ARHGAP28: variants seen among roughly 807,000 people sequenced by gnomAD.
The protein encoded by ARHGAP28 is rho GTPase-activating protein 28.
In ARHGAP28, 56 loss-of-function variants were observed where a neutral mutation model predicts 90.7. That is an observed-to-expected ratio of 0.62 (90% CI 0.50 to 0.77). ARHGAP28 has a LOEUF of 0.77. Ranked by LOEUF, ARHGAP28 falls within the 30% of genes least tolerant of loss-of-function variation. The pLI is 0.00. For missense variants in ARHGAP28, 869 were observed against 900.9 expected, an observed-to-expected ratio of 0.96 and a Z score of 0.45; for synonymous variants, 308 against 323.3, an observed-to-expected ratio of 0.95 and a Z score of 0.51.
chr18:6,756,799 A>G (rs372830779), intron 1 of ARHGAP28, among the ~76,000 whole-genome samples: 1 of 152,308 alleles, frequency 6.6e-6, no homozygotes. Flanking sequence ...TCCAAAAGCC[A>G]AAGAACTTGG....
chr18:6,911,116 G>C (rs2057396439), intron 17 of ARHGAP28, among the ~76,000 whole-genome samples: 1 of 152,088 alleles, frequency 6.6e-6, no homozygotes, highest in African/African-American at 2.4e-5. Context: ...TTACAGGCGT[G>C]AGCCACCGCG....
intron 2 of ARHGAP28, among the ~76,000 whole-genome samples, chr18:6,835,819 C>T (rs2056748953): frequency 6.6e-6 from 1 of 152,180 alleles, no homozygotes; most frequent in Admixed American, 6.5e-5. Context: ...TGAATACCGA[C>T]TTTCTTCCAG....
At chr18:6,734,448 C>T (rs919046052) in intron 1 of ARHGAP28, among the ~76,000 whole-genome samples, 21 of 151,968 alleles carry the variant, frequency 1.4e-4, no homozygotes, top group African/African-American at 5.1e-4. Flanking sequence ...AACTCTTCCT[C>T]GAAAACAAAT....
intron 9 of ARHGAP28, 130 bp from the exon 10 acceptor site, chr18:6,876,001 A>T: frequency 2.8e-6 from 2 of 718,248 alleles, no homozygotes. Flanking sequence ...AACATTTAAC[A>T]CAGCATTCAA....
At chr18:6,733,428 G>A (rs1415472902) in intron 1 of ARHGAP28, among the ~76,000 whole-genome samples, 3 of 152,000 alleles carry the variant, frequency 2.0e-5, no homozygotes, top group Non-Finnish European at 4.4e-5. Flanking sequence ...TTCTTTAAGA[G>A]TTATTTCTTT....
intron 3 of ARHGAP28, among the ~76,000 whole-genome samples, chr18:6,842,704 A>G (rs535055745): frequency 6.6e-6 from 1 of 152,178 alleles, no homozygotes; most frequent in Admixed American, 6.5e-5. Context: ...TGGGAGTTGT[A>G]TGGTCCTCTT....
At chr18:6,896,901 T>C in intron 16 of ARHGAP28, 1 of 219,880 alleles carries the variant, frequency 4.5e-6, no homozygotes, top group South Asian at 1.3e-4. Context: ...AGTTTTACCT[T>C]TTATTTTATT....
chr18:6,767,436 A>G (rs183946668), intron 1 of ARHGAP28, among the ~76,000 whole-genome samples: 18 of 152,092 alleles, frequency 1.2e-4, no homozygotes, highest in Non-Finnish European at 2.2e-4. Context: ...TAGAGGTCCA[A>G]GTTTCCATCT....
intron 2 of ARHGAP28, among the ~76,000 whole-genome samples, chr18:6,826,272 C>G (rs958312326): frequency 6.6e-6 from 1 of 151,854 alleles, no homozygotes; most frequent in Non-Finnish European, 1.5e-5. Context: ...GTTTGTATGT[C>G]TTCTTTTGAA....
chr18:6,759,509 T>C (rs2056141401), intron 1 of ARHGAP28, among the ~76,000 whole-genome samples: 1 of 152,232 alleles, frequency 6.6e-6, no homozygotes, highest in African/African-American at 2.4e-5. Context: ...AAAATATGGT[T>C]GGTTCGTTTT....
intron 2 of ARHGAP28, among the ~76,000 whole-genome samples, chr18:6,825,267 G>C (rs8090076): frequency 0.93 from 141,610 of 152,162 alleles, 66,241 homozygotes; most frequent in African/African-American, 0.99. Context: ...TACCATCAAG[G>C]AGATTGAGTA....
chr18:6,758,330 T>G (rs1264229853), intron 1 of ARHGAP28, among the ~76,000 whole-genome samples: 1 of 151,886 alleles, frequency 6.6e-6, no homozygotes, highest in Non-Finnish European at 1.5e-5. Context: ...TGGAGTCTGG[T>G]GCTTGCTTGT....
Position 6,743,916 on chromosome 18 carries a change from C to T in ARHGAP28, c.122+13973C>T, listed in dbSNP as rs577186273. Among the ~76,000 whole-genome samples, 464 of 152,256 alleles carry T rather than the reference C, an allele frequency of 3.0e-3. 5 individuals carry two copies. Among genetic ancestry groups the T allele is most frequent in the South Asian group, 0.018 (89 of 4,818 alleles). ...GAAATGTATTCATGATTAATTTCAG[C>T]TGCATCCAGAGTTCCACTCCTTGAG... On this transcript the variant is annotated intron_variant, in intron 1 of 17. Coordinates refer to ENST00000383472, the MANE Select transcript of ARHGAP28 (RefSeq NM_001366230.1).
rs1339826008 is a variant in ARHGAP28 at position 6,807,645 on chromosome 18, G to A, written c.123-17117G>A. Among the ~76,000 whole-genome samples the A allele has an allele frequency of 9.2e-5, 14 of 152,196 alleles. No homozygotes were observed. In the East Asian group the frequency reaches 1.9e-3, roughly 21 times the overall value. On this transcript the variant is annotated intron_variant, in intron 1 of 17. Coordinates refer to ENST00000383472, the MANE Select transcript of ARHGAP28 (RefSeq NM_001366230.1). ...AGAACACAAACTATTCCTGACCCTC[G>A]GTGATTACTGGGATCCTGTTATCTG...
intron 1 of ARHGAP28, among the ~76,000 whole-genome samples, chr18:6,737,968 A>G (rs1197762653): frequency 6.6e-6 from 1 of 152,186 alleles, no homozygotes; most frequent in Non-Finnish European, 1.5e-5. Flanking sequence ...AGGGTGGGAG[A>G]ACATATACTA....
intron 14 of ARHGAP28, among the ~76,000 whole-genome samples, chr18:6,892,687 T>G (rs2143747026): frequency 6.6e-6 from 1 of 152,352 alleles, no homozygotes; most frequent in East Asian, 1.9e-4. Context: ...GCTTCATGAC[T>G]TTTCTCCTGA....
intron 1 of ARHGAP28, among the ~76,000 whole-genome samples, chr18:6,758,158 A>C (rs758487440): frequency 3.3e-5 from 5 of 152,212 alleles, no homozygotes; most frequent in Non-Finnish European, 5.9e-5. Context: ...GTTTGCTAGC[A>C]ATATTATTTA....
Position 6,879,225 on chromosome 18 carries a change from C to T in ARHGAP28, c.1291-2912C>T, listed in dbSNP as rs114644054. Among the ~76,000 whole-genome samples the T allele has an allele frequency of 2.6e-3, 395 of 152,090 alleles. 1 individual carries two copies. Among genetic ancestry groups the T allele is most frequent in the African/African-American group, 8.7e-3 (359 of 41,482 alleles). On this transcript the variant is annotated intron_variant, in intron 10 of 17. Coordinates refer to ENST00000383472, the MANE Select transcript of ARHGAP28 (RefSeq NM_001366230.1). ...AATGACAGAAATTTGAGCCAAACAC[C>T]GGGGAATATATTTTATGGAAAGAGG... is the stretch of plus-strand genomic sequence containing the variant.
intron 1 of ARHGAP28, among the ~76,000 whole-genome samples, chr18:6,747,943 G>A (rs574335285): frequency 6.6e-6 from 1 of 152,298 alleles, no homozygotes; most frequent in South Asian, 2.1e-4. Context: ...AGAGGGGGAA[G>A]GCTTTAACTC....
Sources: allele counts gnomAD v4.1 joint callset (sites outside exome capture counted in the v4.1 genomes callset), GRCh38; gene constraint gnomAD v4.1.1; transcripts MANE v1.5; gene names NCBI Gene and HGNC (gene_info 2026-07-23, HGNC 2026-07-21).